The following EEFSEC variants were observed in gnomAD, a reference collection of about 807,000 sequenced individuals.
The protein encoded by EEFSEC is eukaryotic elongation factor, selenocysteine-tRNA specific.
Under a neutral mutation model 42.1 loss-of-function variants are expected in EEFSEC, and 43 were observed. That is an observed-to-expected ratio of 1.02 (90% confidence interval 0.80 to 1.32). EEFSEC has a LOEUF of 1.32. Among genes scored for constraint, EEFSEC ranks in the 40% most tolerant of loss-of-function variants. The pLI, the probability that EEFSEC is intolerant of heterozygous loss-of-function variation, is 0.00. For missense variants in EEFSEC, 745 were observed against 803.6 expected, an observed-to-expected ratio of 0.93 and a Z score of 0.88; for synonymous variants, 354 against 339.1, an observed-to-expected ratio of 1.04 and a Z score of -0.48.
In EEFSEC at chr3:128,365,497, C is replaced by T. The variant is rs137998119; in HGVS notation, c.1600+7124C>T. 5.0e-3 allele frequency among the ~76,000 whole-genome samples: 764 copies of T among 152,272 alleles called. 7 individuals are homozygous for T. The highest frequency in any genetic ancestry group is 0.017 in the African/African-American group (721 of 41,532). On this transcript the variant is annotated intron_variant, in intron 6 of 6. Coordinates refer to ENST00000254730, the MANE Select transcript of EEFSEC (RefSeq NM_021937.5). ...AAGGCTGAAAATTTAATCATAGAAT[C>T]CCTGGAGAGGACTGCCTATAGTATC... is the stretch of plus-strand genomic sequence containing the variant.
intron 6 of EEFSEC, among the ~76,000 whole-genome samples, chr3:128,404,547 G>A (rs1001860611): frequency 6.6e-6 from 1 of 152,100 alleles, no homozygotes; most frequent in Non-Finnish European, 1.5e-5. Flanking sequence ...GCCATTTGTC[G>A]GGGTCTGCTG....
At chr3:128,406,103 G>A (rs1297600836) in intron 6 of EEFSEC, among the ~76,000 whole-genome samples, 4 of 152,140 alleles carry the variant, frequency 2.6e-5, no homozygotes, top group Non-Finnish European at 5.9e-5. Flanking sequence ...TTACACTGAG[G>A]TGCTCTGCCA....
intron 1 of EEFSEC, among the ~76,000 whole-genome samples, chr3:128,154,567 A>C (rs1944337146): frequency 6.6e-6 from 1 of 151,474 alleles, no homozygotes; most frequent in African/African-American, 2.4e-5. Flanking sequence ...GTCCTGCCTC[A>C]GTCTCCTGAG....
At position 128,327,298 on chromosome 3, in the gene EEFSEC, C is replaced by A. The variant is rs543379839; in HGVS notation, c.787-13935C>A. ...CTCCCTGCACTTTTCCCATCCCCCCCCCCCCAAGGTTGTCCCCCTCTCTCC... is the reference window on the plus strand; with the variant it reads ...CTCCCTGCACTTTTCCCATCCCCCCACCCCCAAGGTTGTCCCCCTCTCTCC... On this transcript the variant is annotated intron_variant, in intron 4 of 6. Transcript: ENST00000254730. 5.3e-5 allele frequency among the ~76,000 whole-genome samples: 8 copies of A among 150,284 alleles called. No homozygotes were observed. The South Asian group carries it at 6.6e-4, about 12-fold the overall frequency.
intron 1 of EEFSEC, among the ~76,000 whole-genome samples, chr3:128,204,723 C>T (rs888130224): frequency 2.6e-5 from 4 of 152,110 alleles, no homozygotes; most frequent in Non-Finnish European, 5.9e-5. Flanking sequence ...CCTGGGATGC[C>T]GCCTTCCCCA....
chr3:128,153,690 C>A lies in EEFSEC; in HGVS notation c.183C>A (p.Pro61=), dbSNP rs770126202. Residue 61 remains proline, a synonymous_variant, in exon 1 of 7, where the codon CCC becomes CCA. Coordinates refer to ENST00000254730, the MANE Select transcript of EEFSEC (RefSeq NM_021937.5). ...TCTCGTGCTTCTCGGTGCCGCTGCC[C>A]GCGCGCCTGCGGTCGTCTTTGCCCG... ...LGFSCFSVPL[P]ARLRSSLPEF... 2 of 1,590,634 alleles carry A rather than the reference C, an allele frequency of 1.3e-6. No homozygotes were observed.
rs2067484530 is a variant in EEFSEC, at chr3:128,358,390, C to T, written c.1600+17C>T. 3 of 1,613,778 alleles carry T rather than the reference C, an allele frequency of 1.9e-6. No individual in the cohort carries two copies. The highest frequency in any genetic ancestry group is 2.5e-6 in the Non-Finnish European group (3 of 1,179,698). On this transcript the variant is annotated intron_variant, in intron 6 of 6. Transcript: ENST00000254730. Reference sequence around the variant, plus strand: ...ACATCCCAGGTAAGTGCAGCCACTTCCTCCCGGTTTAGGGACACCGTGCAG... The same window carrying T: ...ACATCCCAGGTAAGTGCAGCCACTTTCTCCCGGTTTAGGGACACCGTGCAG...
the EEFSEC span, among the ~76,000 whole-genome samples, chr3:128,426,130 T>G: frequency 3.3e-5 from 5 of 152,286 alleles, no homozygotes; most frequent in Non-Finnish European, 5.9e-5. Context: ...TCAGAGAGGT[T>G]GTCACCTGTC....
chr3:128,356,043 A>G (rs947357443), intron 5 of EEFSEC, among the ~76,000 whole-genome samples: 7 of 152,238 alleles, frequency 4.6e-5, no homozygotes, highest in Admixed American at 2.0e-4. Flanking sequence ...TGTCGCTGAG[A>G]AGTGCAAAGG....
chr3:128,182,888 G>T (rs1251720701), intron 1 of EEFSEC, among the ~76,000 whole-genome samples: 3 of 145,618 alleles, frequency 2.1e-5, no homozygotes, highest in South Asian at 2.2e-4. Flanking sequence ...CGGGGCGGGG[G>T]GGTGGGGTGG....
At chr3:128,171,928 G>A (rs1401672246) in intron 1 of EEFSEC, among the ~76,000 whole-genome samples, 10 of 151,848 alleles carry the variant, frequency 6.6e-5, no homozygotes, top group African/African-American at 2.4e-4. Flanking sequence ...TATTTACATA[G>A]CATTTTTATT....
intron 2 of EEFSEC, among the ~76,000 whole-genome samples, chr3:128,261,506 T>C (rs1032038683): frequency 2.7e-5 from 4 of 148,072 alleles, no homozygotes; most frequent in Non-Finnish European, 6.0e-5. Context: ...TGGAAGAAAA[T>C]ACACCAAATG....
chr3:128,169,305 C>T (rs1354904517), intron 1 of EEFSEC, among the ~76,000 whole-genome samples: 2 of 152,172 alleles, frequency 1.3e-5, no homozygotes, highest in Admixed American at 6.5e-5. Flanking sequence ...TGAGGCTGGA[C>T]ATCTCCTGGG....
intron 5 of EEFSEC, among the ~76,000 whole-genome samples, chr3:128,355,098 G>A (rs779131367): frequency 2.6e-5 from 4 of 152,182 alleles, no homozygotes; most frequent in Non-Finnish European, 5.9e-5. Flanking sequence ...GCCATGTGTG[G>A]GACTAGTGCA....
rs71615969 is a variant in EEFSEC, at chr3:128,176,981, GATT to G, written c.316+23186_316+23188del. ...TTCTGTAGTTTAAATGAACATACTG[GATT>G]ATTATTATTATTATTATTATTATTA... On this transcript the variant is annotated intron_variant, in intron 1 of 6. Coordinates refer to ENST00000254730, the MANE Select transcript of EEFSEC (RefSeq NM_021937.5). Among the ~76,000 whole-genome samples the G allele has an allele frequency of 5.6e-4, 82 of 146,578 alleles. 1 individual carries two copies. Among genetic ancestry groups the G allele is most frequent in the East Asian group, 5.1e-3 (26 of 5,056 alleles).
chr3:128,302,021 G>A (rs539574517), intron 4 of EEFSEC, among the ~76,000 whole-genome samples: 59 of 152,190 alleles, frequency 3.9e-4, no homozygotes, highest in African/African-American at 1.4e-3. Context: ...TTTTTATCAG[G>A]GCAAGTTGGT....
chr3:128,221,795 G>T (rs1368345670), intron 1 of EEFSEC, among the ~76,000 whole-genome samples: 4 of 151,922 alleles, frequency 2.6e-5, no homozygotes, highest in Non-Finnish European at 5.9e-5. Flanking sequence ...ATCTGAAAGA[G>T]AATTTAAAAT....
chr3:128,237,166 G>A (rs1161588592), intron 1 of EEFSEC, among the ~76,000 whole-genome samples: 1 of 152,174 alleles, frequency 6.6e-6, no homozygotes, highest in African/African-American at 2.4e-5. Context: ...TCCTTTGTAT[G>A]TAGTATGCAT....
rs192524879 is a variant in EEFSEC, at chr3:128,158,527, C to T, written c.316+4704C>T. Among the ~76,000 whole-genome samples, 219 of 152,284 alleles carry T rather than the reference C, an allele frequency of 1.4e-3. 1 individual carries two copies. Among genetic ancestry groups the T allele is most frequent in the African/African-American group, 1.3e-3 (53 of 41,556 alleles). On this transcript the variant is annotated intron_variant, in intron 1 of 6. Transcript: ENST00000254730. ...TTCATCAACCACCACCCTGATCAGT[C>T]GGCAACCATCACCATTGAGGCAAGA...
Sources: gnomAD v4.1 joint callset for allele counts (sites outside exome capture counted in the v4.1 genomes callset) on GRCh38, gnomAD v4.1.1 for gene constraint, MANE v1.5 for transcripts, NCBI Gene and HGNC (gene_info 2026-07-23, HGNC 2026-07-21) for gene names.